PKHD1: variants seen among roughly 807,000 people sequenced by gnomAD.
The protein encoded by PKHD1 is fibrocystin.
In PKHD1, 291 loss-of-function variants were observed where a neutral mutation model predicts 412.0. That is an observed-to-expected ratio of 0.71 (90% CI 0.64 to 0.78). PKHD1 has a LOEUF of 0.78. Among genes scored for constraint, PKHD1 ranks in the 30% least tolerant of loss-of-function variants. The probability of loss-of-function intolerance (pLI) is 0.00; values close to 1 mark genes in which losing one functional copy is unlikely to be tolerated. For synonymous variants in PKHD1, 1,777 were observed against 1,821.5 expected (o/e 0.98, Z 0.62); for missense variants, 4,825 against 4,950.7 (o/e 0.97, Z 0.76).
chr6:51,970,869 G>A (rs1053883229), intron 35 of PKHD1, among the ~76,000 whole-genome samples: 21 of 152,208 alleles, frequency 1.4e-4, no homozygotes, highest in African/African-American at 2.4e-4. Context: ...AGTATAATTC[G>A]AAGTCAGGTA....
chr6:52,029,101 G>T (rs1802658345), intron 29 of PKHD1, among the ~76,000 whole-genome samples: 1 of 152,166 alleles, frequency 6.6e-6, no homozygotes, highest in Non-Finnish European at 1.5e-5. Context: ...TTTCACGTAT[G>T]TTATCCCACT....
At chr6:52,074,862 G>T (rs746844887) in intron 6 of PKHD1, among the ~76,000 whole-genome samples, 8 of 152,158 alleles carry the variant, frequency 5.3e-5, no homozygotes, top group Non-Finnish European at 7.3e-5. Context: ...TGCCCAGGGG[G>T]GACCACTCCA....
chr6:51,927,596 A>G (rs1015503355), intron 37 of PKHD1, among the ~76,000 whole-genome samples: 5 of 152,130 alleles, frequency 3.3e-5, no homozygotes, highest in Non-Finnish European at 7.4e-5. Context: ...TTAAGCAAAG[A>G]AAGAGGGCTG....
At chr6:51,986,274 T>C (rs1423453476) in intron 35 of PKHD1, among the ~76,000 whole-genome samples, 2 of 151,946 alleles carry the variant, frequency 1.3e-5, no homozygotes, top group African/African-American at 2.4e-5. Context: ...AGGGGAGAGG[T>C]GGGGAATTTA....
intron 52 of PKHD1, among the ~76,000 whole-genome samples, chr6:51,822,832 T>G (rs1303245744): frequency 6.6e-6 from 1 of 152,172 alleles, no homozygotes; most frequent in Non-Finnish European, 1.5e-5. Context: ...TCTCAGCTCA[T>G]TTTTCTTTAT....
intron 46 of PKHD1, among the ~76,000 whole-genome samples, chr6:51,881,561 A>G (rs957569894): frequency 2.0e-5 from 3 of 152,188 alleles, no homozygotes; most frequent in Non-Finnish European, 4.4e-5. Flanking sequence ...AAAACACTTC[A>G]GGGAACATTG....
At chr6:51,641,249 C>T (rs1769304825) in intron 63 of PKHD1, among the ~76,000 whole-genome samples, 1 of 152,196 alleles carries the variant, frequency 6.6e-6, no homozygotes, top group Non-Finnish European at 1.5e-5. Flanking sequence ...AGTCCTCACA[C>T]ATTCCCATTG....
intron 36 of PKHD1, among the ~76,000 whole-genome samples, chr6:51,940,258 G>A (rs1439475793): frequency 1.3e-5 from 2 of 151,612 alleles, no homozygotes; most frequent in African/African-American, 4.8e-5. Context: ...CCCCACAACA[G>A]GACTTAATTA....
Position 51,907,681 on chromosome 6 carries a change from T to G in PKHD1, c.6683-1341A>C, listed in dbSNP as rs146035648. Among the ~76,000 whole-genome samples the G allele has an allele frequency of 2.5e-3, 378 of 152,246 alleles. 3 individuals carry two copies. The highest frequency in any genetic ancestry group is 8.1e-3 in the African/African-American group (338 of 41,562). On this transcript the variant is annotated intron_variant, in intron 40 of 66. Coordinates refer to ENST00000371117, the MANE Select transcript of PKHD1 (RefSeq NM_138694.4). ...AATTTTTTAAAAAGTACTGTTCAAATATCCCAATGCTTTCTAACTCTGGTA... is the reference window on the plus strand; with the variant it reads ...AATTTTTTAAAAAGTACTGTTCAAAGATCCCAATGCTTTCTAACTCTGGTA...
rs898718187 is a variant in PKHD1 at position 52,008,709 on chromosome 6, T to G, written c.5751+1600A>C. 2.0e-5 allele frequency among the ~76,000 whole-genome samples: 3 copies of G among 152,188 alleles called. No homozygotes were observed. In the East Asian group the frequency reaches 5.8e-4, roughly 29 times the overall value. The stretch of plus-strand genomic sequence containing the variant: ...CATTGGACATTTACCATGTGTGAGA[T>G]GCAGCTCTCAGTGGCGCACACCAAC... On this transcript the variant is annotated intron_variant, in intron 35 of 66. Transcript: ENST00000371117.
intron 53 of PKHD1, 75 bp from the exon 54 acceptor site, chr6:51,775,996 T>C: frequency 2.6e-6 from 2 of 765,396 alleles, no homozygotes; most frequent in South Asian, 2.8e-5. Flanking sequence ...TGCAGTATAA[T>C]TTCAATAATG....
At chr6:52,040,421 G>C (rs1448882307) in intron 27 of PKHD1, among the ~76,000 whole-genome samples, 1 of 151,890 alleles carries the variant, frequency 6.6e-6, no homozygotes, top group Non-Finnish European at 1.5e-5. Context: ...TTCCATCTTT[G>C]CCTCCCTACT....
At chr6:51,830,213 C>G (rs1381799856) in intron 52 of PKHD1, among the ~76,000 whole-genome samples, 1 of 151,944 alleles carries the variant, frequency 6.6e-6, no homozygotes, top group Non-Finnish European at 1.5e-5. Context: ...ACATTTTCTT[C>G]TCAGGCTAGG....
chr6:51,849,159 T>G (rs1771737387), intron 49 of PKHD1, among the ~76,000 whole-genome samples: 1 of 152,120 alleles, frequency 6.6e-6, no homozygotes, highest in Non-Finnish European at 1.5e-5. Context: ...AGTGTTTGGT[T>G]TTCTATTCCT....
At chr6:51,641,139 T>C (rs998018388) in intron 63 of PKHD1, among the ~76,000 whole-genome samples, 4 of 152,168 alleles carry the variant, frequency 2.6e-5, no homozygotes, top group Non-Finnish European at 5.9e-5. Context: ...GGTAGTTTGG[T>C]GACATGGGTA....
chr6:51,903,235 C>G (rs756624710), intron 43 of PKHD1, among the ~76,000 whole-genome samples: 1 of 152,120 alleles, frequency 6.6e-6, no homozygotes, highest in Non-Finnish European at 1.5e-5. Flanking sequence ...TTTCTTGATA[C>G]TAATATGCAG....
intron 11 of PKHD1, 118 bp from the exon 12 acceptor site, chr6:52,066,195 G>C: frequency 1.6e-6 from 1 of 618,390 alleles, no homozygotes. Flanking sequence ...TCTAAGTCCA[G>C]CAACAGTTGA....
In PKHD1 at chr6:52,045,025, C is replaced by T; in HGVS notation, c.2656G>A (p.Gly886Arg). ...CCAAATATGGGTCCAAGAAAAACTCCACCATCATATACCACACGCGTGGCT... is the reference window on the plus strand; with the variant it reads ...CCAAATATGGGTCCAAGAAAAACTCTACCATCATATACCACACGCGTGGCT... ...AAATRVVYDG[G>R]VFLGPIFGDM... The change falls in exon 25 of 67, where the codon GGA (glycine) becomes AGA (arginine). Residue 886 changes from glycine (G) to arginine (R), a missense_variant. Transcript: ENST00000371117. 6.2e-7 allele frequency: 1 copy of T among 1,613,572 alleles called. No homozygotes were observed. The highest frequency in any genetic ancestry group is 8.5e-7 in the Non-Finnish European group (1 of 1,179,540).
chr6:51,724,049 TATC>T (rs1782255018), intron 60 of PKHD1, among the ~76,000 whole-genome samples: 1 of 152,164 alleles, frequency 6.6e-6, no homozygotes, highest in African/African-American at 2.4e-5. Flanking sequence ...CTAAGAATCT[TATC>T]AACTAATCAG....
Sources: allele counts gnomAD v4.1 joint callset (sites outside exome capture counted in the v4.1 genomes callset), GRCh38; gene constraint gnomAD v4.1.1; transcripts MANE v1.5; gene names NCBI Gene and HGNC (gene_info 2026-07-23, HGNC 2026-07-21).